Variants in ZNF438 observed in about 807,000 individuals in gnomAD.
The protein encoded by ZNF438 is zinc finger protein 438.
A neutral mutation model predicts 38.0 loss-of-function variants in ZNF438; 25 were observed. The observed-to-expected ratio is 0.66, with a 90% CI of 0.48 to 0.92. The LOEUF is 0.92. Among genes scored for constraint, ZNF438 ranks in the 40% least tolerant of loss-of-function variants. ZNF438 has a pLI of 0.00. For missense variants in ZNF438, 1,007 were observed against 999.6 expected (o/e 1.01, Z -0.10); for synonymous variants, 372 against 364.1 (o/e 1.02, Z -0.25).
At chr10:30,994,278 G>C (rs1214008482) in intron 1 of ZNF438, among the ~76,000 whole-genome samples, 2 of 152,196 alleles carry the variant, frequency 1.3e-5, no homozygotes, top group African/African-American at 2.4e-5. Context: ...GGAATGCTAT[G>C]GTTTAAATGT....
At chr10:31,032,260 C>G (rs1278910665), upstream of ZNF438, among the ~76,000 whole-genome samples, 2 of 152,226 alleles carry the variant, frequency 1.3e-5, no homozygotes, top group African/African-American at 4.8e-5. Flanking sequence ...CATTGCCCGC[C>G]TTCCTCACGT....
Position 30,859,801 on chromosome 10 carries a change from T to C in ZNF438, c.38-9434A>G, listed in dbSNP as rs151035729. Reference sequence around the variant, plus strand: ...ATCAGGTTGTTGACATTTATTTTTGTTGGGAAAAAAAAGGCACAAATCTTG... The same window carrying C: ...ATCAGGTTGTTGACATTTATTTTTGCTGGGAAAAAAAAGGCACAAATCTTG... On this transcript the variant is annotated intron_variant, in intron 4 of 5. Coordinates refer to ENST00000413025, the Ensembl canonical transcript of ZNF438. Among the ~76,000 whole-genome samples, 267 of 152,260 alleles carry C rather than the reference T, an allele frequency of 1.8e-3. 2 individuals carry two copies. The highest frequency in any genetic ancestry group is 5.6e-3 in the African/African-American group (232 of 41,574).
chr10:30,998,221 T>A (rs2054251258), intron 1 of ZNF438, among the ~76,000 whole-genome samples: 1 of 152,088 alleles, frequency 6.6e-6, no homozygotes, highest in Non-Finnish European at 1.5e-5. Context: ...GGAGTGACCT[T>A]AACAGCTGCT....
intron 1 of ZNF438, chr10:30,999,250 T>C (rs1202701401): frequency 6.6e-6 from 1 of 152,230 alleles, no homozygotes; most frequent in Non-Finnish European, 1.5e-5. Flanking sequence ...GTTTGAACTA[T>C]ACCAAAGTAG....
At chr10:30,924,059 G>A (rs939011926) in intron 2 of ZNF438, among the ~76,000 whole-genome samples, 1 of 152,140 alleles carries the variant, frequency 6.6e-6, no homozygotes, top group East Asian at 1.9e-4. Flanking sequence ...ATGTTGCTAT[G>A]TAAATTATAT....
intron 2 of ZNF438, among the ~76,000 whole-genome samples, chr10:30,932,026 T>G (rs906102554): frequency 6.6e-6 from 1 of 152,156 alleles, no homozygotes; most frequent in African/African-American, 2.4e-5. Flanking sequence ...CAGTGTTCCT[T>G]GGACACTCTC....
chr10:30,946,191 A>G (rs1396946820), intron 1 of ZNF438, among the ~76,000 whole-genome samples: 1 of 152,218 alleles, frequency 6.6e-6, no homozygotes, highest in East Asian at 1.9e-4. Context: ...ACAAAAATCA[A>G]TTCAAGACGG....
intron 1 of ZNF438, among the ~76,000 whole-genome samples, chr10:31,019,275 TCATTGC>T (rs1436625416): frequency 5.3e-5 from 8 of 152,208 alleles, no homozygotes; most frequent in African/African-American, 1.9e-4. Flanking sequence ...ATGTGCCCCT[TCATTGC>T]CTCTCTAACC....
intron 4 of ZNF438, among the ~76,000 whole-genome samples, chr10:30,869,629 T>C (rs1214982244): frequency 6.6e-6 from 1 of 152,188 alleles, no homozygotes; most frequent in African/African-American, 2.4e-5. Flanking sequence ...ATACTAATAA[T>C]GCACAATGGT....
At chr10:30,962,346 T>C (rs962865151) in intron 1 of ZNF438, among the ~76,000 whole-genome samples, 13 of 147,444 alleles carry the variant, frequency 8.8e-5, no homozygotes, top group African/African-American at 2.9e-4. Context: ...TGGAGATTAA[T>C]AGAAAAAGAC....
intron 1 of ZNF438, among the ~76,000 whole-genome samples, chr10:30,952,901 G>A: frequency 3.7e-5 from 1 of 26,780 alleles, no homozygotes; most frequent in Non-Finnish European, 7.4e-5. Flanking sequence ...CCCATTACTG[G>A]GTATATACCC....
intron 1 of ZNF438, among the ~76,000 whole-genome samples, chr10:31,016,524 T>C (rs2056207876): frequency 1.3e-5 from 2 of 152,102 alleles, no homozygotes; most frequent in African/African-American, 4.8e-5. Flanking sequence ...GGCAGACAAG[T>C]GGTCAAGGAA....
intron 3 of ZNF438, among the ~76,000 whole-genome samples, chr10:30,905,719 A>C (rs982434050): frequency 6.6e-6 from 1 of 152,132 alleles, no homozygotes; most frequent in Admixed American, 6.6e-5. Flanking sequence ...TTCCTCTAAG[A>C]GTTTCATATT....
At chr10:30,882,386 G>A (rs563965433) in intron 3 of ZNF438, among the ~76,000 whole-genome samples, 30 of 152,096 alleles carry the variant, frequency 2.0e-4, no homozygotes, top group Non-Finnish European at 3.1e-4. Context: ...AAAAGCAAAT[G>A]TCTATACAAA....
At chr10:30,951,197 A>C (rs186961741) in intron 1 of ZNF438, among the ~76,000 whole-genome samples, 458 of 151,848 alleles carry the variant, frequency 3.0e-3, no homozygotes, top group Non-Finnish European at 5.0e-3. Context: ...AAAATTCAAC[A>C]AACTTTCATA....
exon 6 of ZNF438, chr10:30,844,838 T>C: frequency 7.3e-6 from 9 of 1,236,152 alleles, no homozygotes; most frequent in South Asian, 4.6e-5. Flanking sequence ...ACAAAAATCA[T>C]TTCTGTTCAC....
chr10:30,966,602 G>A (rs1252053320), intron 1 of ZNF438, among the ~76,000 whole-genome samples: 3 of 151,228 alleles, frequency 2.0e-5, no homozygotes, highest in African/African-American at 7.3e-5. Flanking sequence ...CCTGGGAAGT[G>A]GAGTTTGCAG....
rs543861990 is a variant in ZNF438, at chr10:30,877,086, A to G, written c.-31-21T>C. The G allele has an allele frequency of 4.7e-6, 7 of 1,476,626 alleles. No homozygotes were observed. In the East Asian group the frequency reaches 1.2e-4, roughly 25 times the overall value. 91.5% of individuals were successfully genotyped at this position (1,476,626 alleles called of 1,614,324 possible). A position where few individuals can be genotyped will look rare whatever the true frequency, so the allele number is the denominator to read the frequency against. On this transcript the variant is annotated intron_variant, in intron 3 of 5. Coordinates refer to ENST00000413025, the Ensembl canonical transcript of ZNF438. ...CTTTCCTAAAAATAAGCAAGCACAAATAAGTATTAGAAAGTAATTGAGAGA... is the reference window on the plus strand; with the variant it reads ...CTTTCCTAAAAATAAGCAAGCACAAGTAAGTATTAGAAAGTAATTGAGAGA...
At position 30,852,003 on chromosome 10, in the gene ZNF438, C is replaced by CA. The variant is rs371402396; in HGVS notation, c.38-1637dup. Reference sequence around the variant, plus strand: ...TGAAACTCTGTCTCTACTAAAAATACAAAAAAAAAATTAGCCAGGCATGGT... The same window carrying CA: ...TGAAACTCTGTCTCTACTAAAAATACAAAAAAAAAAATTAGCCAGGCATGGT... On this transcript the variant is annotated intron_variant, in intron 4 of 5. Transcript: ENST00000413025. Among the ~76,000 whole-genome samples, 395 of 147,424 alleles carry CA rather than the reference C, an allele frequency of 2.7e-3. 4 individuals carry two copies. The highest frequency in any genetic ancestry group is 8.3e-3 in the African/African-American group (333 of 40,298).
Sources: allele counts gnomAD v4.1 joint callset (sites outside exome capture counted in the v4.1 genomes callset), GRCh38; gene constraint gnomAD v4.1.1; transcripts MANE v1.5; gene names NCBI Gene and HGNC (gene_info 2026-07-23, HGNC 2026-07-21).